HERC4: variants seen among roughly 807,000 people sequenced by gnomAD.
HERC4 encodes the protein probable E3 ubiquitin-protein ligase HERC4.
A neutral mutation model predicts 124.3 loss-of-function variants in HERC4; 28 were observed. The ratio of observed to expected loss-of-function variants is 0.23; its 90% CI spans 0.17 to 0.31. The LOEUF (loss-of-function observed/expected upper bound fraction) is 0.31, where lower values mean the gene tolerates loss of function less well. Among genes scored for constraint, HERC4 ranks in the 10% least tolerant of loss-of-function variants. The pLI, the probability that HERC4 is intolerant of heterozygous loss-of-function variation, is 1.00. For missense variants in HERC4, 713 were observed against 1,229.3 expected, an observed-to-expected ratio of 0.58 and a Z score of 6.28; for synonymous variants, 407 against 421.5, an observed-to-expected ratio of 0.97 and a Z score of 0.42.
chr10:67,954,210 A>G (rs1232017905), intron 19 of HERC4: 1 of 154,682 alleles, frequency 6.5e-6, no homozygotes, highest in Non-Finnish European at 1.4e-5. Flanking sequence ...TTTGAGATTA[A>G]TGGGCTATAG....
intron 19 of HERC4, among the ~76,000 whole-genome samples, chr10:67,946,019 GAGGT>G (rs2132195308): frequency 6.6e-6 from 1 of 152,184 alleles, no homozygotes; most frequent in East Asian, 1.9e-4. Flanking sequence ...TAGTGAGGCG[GAGGT>G]AGGCAGATCA....
intron 7 of HERC4, among the ~76,000 whole-genome samples, chr10:68,031,318 G>A (rs1003503583): frequency 1.3e-5 from 2 of 152,126 alleles, no homozygotes; most frequent in Admixed American, 6.6e-5. Flanking sequence ...TTTTTGGAAT[G>A]ACACCACACA....
intron 3 of HERC4, among the ~76,000 whole-genome samples, chr10:68,048,344 G>A (rs1057303604): frequency 2.6e-5 from 4 of 152,058 alleles, no homozygotes; most frequent in African/African-American, 9.7e-5. Flanking sequence ...GTGCTAAAAA[G>A]AAATGAGCTA....
chr10:67,945,574 G>A lies in HERC4; in HGVS notation c.2338-4469C>T, dbSNP rs533220135. ...AATATTATGACACTCTAATTGTGGT[G>A]TATAAACTACCCATATCTTGAGTAT... On this transcript the variant is annotated intron_variant, in intron 19 of 24. Transcript: ENST00000373700. 6.6e-5 allele frequency among the ~76,000 whole-genome samples: 10 copies of A among 152,144 alleles called. No homozygotes were observed. The South Asian group carries it at 2.1e-3, about 32-fold the overall frequency.
chr10:67,932,593 C>T lies in HERC4; in HGVS notation c.2838+4G>A. 1 of 1,601,374 alleles carries T rather than the reference C, an allele frequency of 6.2e-7. No homozygotes were observed. Among genetic ancestry groups the T allele is most frequent in the Non-Finnish European group, 8.5e-7 (1 of 1,175,884 alleles). The stretch of plus-strand genomic sequence containing the variant: ...AACAATATCAGAGATTAGTTTTCCC[C>T]TACCTTTTCCAGTTCCTTCCAATCA... On this transcript the variant is annotated splice_donor_region_variant and intron_variant, in intron 23 of 24. Transcript: ENST00000373700.
At chr10:67,940,205 C>T (rs1301115733) in intron 20 of HERC4, among the ~76,000 whole-genome samples, 1 of 152,080 alleles carries the variant, frequency 6.6e-6, no homozygotes, top group South Asian at 2.1e-4. Flanking sequence ...GGATTACAGG[C>T]GTGAGCCACC....
In HERC4 at chr10:67,927,393, TATATATATATA is replaced by T. The variant is rs2031124926; in HGVS notation, c.2839-2217_2839-2207del. Among the ~76,000 whole-genome samples, 2 of 5,848 alleles carry T rather than the reference TATATATATATA, an allele frequency of 3.4e-4. 1 individual carries two copies. 3.8% of individuals were successfully genotyped at this position (5,848 alleles called of 152,430 possible). A position where few individuals can be genotyped will look rare whatever the true frequency, so the allele number is the denominator to read the frequency against. On this transcript the variant is annotated intron_variant, in intron 23 of 24. Coordinates refer to ENST00000373700, the MANE Select transcript of HERC4 (RefSeq NM_015601.4). ...AATAAATACACCATATATATATATA[TATATATATATA>T]TATATATATATATATATATATATAT... is the stretch of plus-strand genomic sequence containing the variant.
intron 9 of HERC4, among the ~76,000 whole-genome samples, chr10:67,996,459 GTGCTTT>G (rs1181323459): frequency 1.3e-5 from 2 of 152,240 alleles, no homozygotes; most frequent in Non-Finnish European, 2.9e-5. Context: ...AACTGTGTAT[GTGCTTT>G]TGTTTAACAT....
chr10:68,025,808 C>A, intron 7 of HERC4, 132 bp from the exon 8 acceptor site: 1 of 746,500 alleles, frequency 1.3e-6, no homozygotes, highest in Non-Finnish European at 2.0e-6. Flanking sequence ...CACAATTTAA[C>A]AGACAGATGG....
intron 8 of HERC4, among the ~76,000 whole-genome samples, chr10:68,016,652 A>G (rs2038288480): frequency 6.6e-6 from 1 of 152,158 alleles, no homozygotes; most frequent in Non-Finnish European, 1.5e-5. Context: ...CACCCGGCCC[A>G]ATAAGATGTC....
intron 3 of HERC4, chr10:68,067,982 T>C (rs2041378881): frequency 6.6e-6 from 1 of 152,200 alleles, no homozygotes; most frequent in Non-Finnish European, 1.5e-5. Flanking sequence ...TTTAAGTTTG[T>C]GTACAAGGGG....
intron 3 of HERC4, among the ~76,000 whole-genome samples, chr10:68,059,612 TATC>T (rs1178464191): frequency 3.5e-5 from 3 of 85,522 alleles, no homozygotes; most frequent in African/African-American, 6.8e-5. Context: ...TAATATTATA[TATC>T]ATAATATTAT....
At chr10:68,066,659 T>A (rs772929457) in intron 3 of HERC4, among the ~76,000 whole-genome samples, 1 of 152,194 alleles carries the variant, frequency 6.6e-6, no homozygotes, top group Non-Finnish European at 1.5e-5. Context: ...GTTCCAAGGT[T>A]AGCCACCAAA....
intron 15 of HERC4, among the ~76,000 whole-genome samples, chr10:67,987,117 T>G (rs145584105): frequency 0.01 from 1,566 of 152,244 alleles, 7 homozygotes; most frequent in Middle Eastern, 0.024. Flanking sequence ...ATGTGAAGAT[T>G]CTAGTATTTA....
At chr10:68,002,925 G>A (rs1023881614) in intron 9 of HERC4, among the ~76,000 whole-genome samples, 1 of 151,866 alleles carries the variant, frequency 6.6e-6, no homozygotes, top group African/African-American at 2.4e-5. Context: ...TGAGTACACA[G>A]TAGGTATATA....
At chr10:67,935,388 G>A (rs1372509052) in intron 22 of HERC4, among the ~76,000 whole-genome samples, 4 of 152,010 alleles carry the variant, frequency 2.6e-5, no homozygotes, top group Non-Finnish European at 5.9e-5. Context: ...CTCGTGATCC[G>A]CCCGCCTCGG....
chr10:68,000,687 T>C (rs758439105), intron 9 of HERC4, among the ~76,000 whole-genome samples: 6 of 151,690 alleles, frequency 4.0e-5, no homozygotes, highest in Non-Finnish European at 8.8e-5. Flanking sequence ...CATAATGGAG[T>C]AGGGTAGGTC....
At chr10:67,968,673 C>A (rs2035047041) in intron 15 of HERC4, among the ~76,000 whole-genome samples, 1 of 152,000 alleles carries the variant, frequency 6.6e-6, no homozygotes, top group South Asian at 2.1e-4. Flanking sequence ...CCGCGCCTGG[C>A]CAGAGAGGCT....
chr10:67,960,391 AT>A (rs771422643), intron 16 of HERC4, among the ~76,000 whole-genome samples: 117 of 148,554 alleles, frequency 7.9e-4, no homozygotes, highest in African/African-American at 2.3e-3. Context: ...AAAGCCTAAA[AT>A]TTTTTTTTTT....
Sources: gnomAD v4.1 joint callset for allele counts (sites outside exome capture counted in the v4.1 genomes callset) on GRCh38, gnomAD v4.1.1 for gene constraint, MANE v1.5 for transcripts, NCBI Gene and HGNC (gene_info 2026-07-23, HGNC 2026-07-21) for gene names.